ASCC3: variants seen among roughly 807,000 people sequenced by gnomAD.
ASCC3 encodes the protein activating signal cointegrator 1 complex subunit 3, also known as ASC-1 complex subunit P200.
Under a neutral mutation model 256.3 loss-of-function variants are expected in ASCC3, and 158 were observed. The ratio of observed to expected loss-of-function variants is 0.62; its 90% CI spans 0.54 to 0.70. The LOEUF (loss-of-function observed/expected upper bound fraction) is 0.70. Among genes scored for constraint, ASCC3 ranks in the 30% least tolerant of loss-of-function variants. The probability of loss-of-function intolerance (pLI) is 0.00; values close to 1 mark genes in which losing one functional copy is unlikely to be tolerated. For synonymous variants in ASCC3, 948 were observed against 883.4 expected (o/e 1.07, Z -1.30); for missense variants, 2,259 against 2,626.0 (o/e 0.86, Z 3.05).
Position 100,666,875 on chromosome 6 carries a change from A to C in ASCC3, c.2287-4339T>G, listed in dbSNP as rs578088215. Among the ~76,000 whole-genome samples the C allele has an allele frequency of 1.4e-4, 22 of 152,302 alleles. No individual in the cohort carries two copies. The East Asian group carries it at 4.0e-3, about 28-fold the overall frequency. On this transcript the variant is annotated intron_variant, in intron 14 of 41. Coordinates refer to ENST00000369162, the MANE Select transcript of ASCC3 (RefSeq NM_006828.4). ...CAGACAAAAAAAAAGCACTGTAAAGAATCAAAGAGAAGATCAATAAGAAAC... is the reference window on the plus strand; with the variant it reads ...CAGACAAAAAAAAAGCACTGTAAAGCATCAAAGAGAAGATCAATAAGAAAC...
intron 37 of ASCC3, among the ~76,000 whole-genome samples, chr6:100,539,636 AC>A (rs1775344066): frequency 6.6e-6 from 1 of 152,070 alleles, no homozygotes; most frequent in Admixed American, 6.6e-5. Flanking sequence ...ACCTCCAGAG[AC>A]CCTACGGTTC....
chr6:100,652,277 G>A (rs972079505), intron 18 of ASCC3, among the ~76,000 whole-genome samples: 1 of 152,122 alleles, frequency 6.6e-6, no homozygotes, highest in Admixed American at 6.6e-5. Flanking sequence ...ATGTGAATAG[G>A]TGATGGAAGG....
intron 1 of ASCC3, among the ~76,000 whole-genome samples, chr6:100,877,210 C>T (rs1323074361): frequency 1.3e-5 from 2 of 152,038 alleles, no homozygotes; most frequent in Non-Finnish European, 2.9e-5. Context: ...CACTTAGTTA[C>T]TGGCAATTAT....
intron 3 of ASCC3, chr6:100,859,049 T>TTTAATAGTCAAATATTCAGATTTTC: frequency 1.3e-6 from 1 of 755,386 alleles, no homozygotes; most frequent in Non-Finnish European, 2.5e-6. Context: ...ATTAAATTCC[T>TTTAATAGTCAAATATTCAGATTTTC]TTAATAGTCA....
intron 3 of ASCC3, among the ~76,000 whole-genome samples, chr6:100,849,627 T>G (rs1042456713): frequency 6.6e-6 from 1 of 152,242 alleles, no homozygotes; most frequent in Middle Eastern, 3.4e-3. Context: ...TCTAATTTAT[T>G]TAAGGCATTT....
chr6:100,793,429 A>T (rs1769447445), intron 8 of ASCC3, among the ~76,000 whole-genome samples: 1 of 152,016 alleles, frequency 6.6e-6, no homozygotes, highest in African/African-American at 2.4e-5. Context: ...AAGGCTGTTT[A>T]TTATACTGTC....
intron 8 of ASCC3, among the ~76,000 whole-genome samples, chr6:100,792,061 GTA>G (rs1453951860): frequency 1.3e-5 from 2 of 151,984 alleles, no homozygotes; most frequent in Non-Finnish European, 2.9e-5. Flanking sequence ...TAACATAATA[GTA>G]TATGTTTTTA....
chr6:100,584,805 C>G (rs1315828505), intron 36 of ASCC3, among the ~76,000 whole-genome samples: 1 of 151,952 alleles, frequency 6.6e-6, no homozygotes, highest in South Asian at 2.1e-4. Context: ...TCAGCATTTG[C>G]TTGTCTGTAA....
At chr6:100,672,151 T>C (rs1381916347) in intron 14 of ASCC3, among the ~76,000 whole-genome samples, 3 of 152,052 alleles carry the variant, frequency 2.0e-5, no homozygotes, top group Non-Finnish European at 4.4e-5. Context: ...TCTAACTCAA[T>C]TTTTTCTTAG....
intron 41 of ASCC3, 69 bp downstream of exon 41, chr6:100,509,862 TG>T: frequency 1.3e-6 from 2 of 1,486,892 alleles, no homozygotes; most frequent in Non-Finnish European, 1.8e-6. Context: ...CACTCCAGCC[TG>T]GGCGACAGAG....
intron 8 of ASCC3, among the ~76,000 whole-genome samples, chr6:100,780,121 C>A (rs914529671): frequency 6.6e-6 from 1 of 152,064 alleles, no homozygotes; most frequent in Non-Finnish European, 1.5e-5. Context: ...GAAATTAATT[C>A]TATAATGAAT....
rs1480438705 is a variant in ASCC3 at position 100,848,560 on chromosome 6, G to A, written c.389C>T (p.Ala130Val). 6.2e-7 allele frequency: 1 copy of A among 1,614,092 alleles called. No homozygotes were observed. Among genetic ancestry groups the A allele is most frequent in the South Asian group, 1.1e-5 (1 of 91,082 alleles). Reference sequence around the variant, plus strand: ...AATAATTCGATTAGTAGCATTACAAGCTGCAGTGGCAGATGATGAAGGAAA... The same window carrying A: ...AATAATTCGATTAGTAGCATTACAAACTGCAGTGGCAGATGATGAAGGAAA... ...GPFPSSSATA[A>V]CNATNRIISH... Residue 130 changes from alanine to valine, a missense_variant, in exon 4 of 42, where the codon GCT (alanine) becomes GTT (valine). Around this residue, in one of 2 missense-constraint regions of ASCC3, gnomAD observed 420 missense variants for 419.3 expected, o/e 1.00. Transcript: ENST00000369162.
intron 1 of ASCC3, among the ~76,000 whole-genome samples, chr6:100,874,642 G>A (rs1773912250): frequency 6.6e-6 from 1 of 151,998 alleles, no homozygotes; most frequent in African/African-American, 2.4e-5. Context: ...TATTTTATGA[G>A]GCTCTAGAGA....
chr6:100,635,544 T>C (rs949224687), intron 25 of ASCC3, among the ~76,000 whole-genome samples: 1 of 152,252 alleles, frequency 6.6e-6, no homozygotes, highest in Admixed American at 6.5e-5. Flanking sequence ...TTAATAGCAC[T>C]GCATTATATA....
chr6:100,568,369 A>G (rs981563514), intron 36 of ASCC3, among the ~76,000 whole-genome samples: 10 of 131,848 alleles, frequency 7.6e-5, no homozygotes, highest in Non-Finnish European at 1.3e-4. Flanking sequence ...CTCTTGTCTG[A>G]AAAAAAAAAA....
At chr6:100,521,840 T>A (rs762312401) in intron 37 of ASCC3, among the ~76,000 whole-genome samples, 2 of 152,222 alleles carry the variant, frequency 1.3e-5, no homozygotes, top group Admixed American at 1.3e-4. Flanking sequence ...ATACACTTCA[T>A]ATGACTGAGC....
chr6:100,654,861 G>C (rs908491565), intron 17 of ASCC3, among the ~76,000 whole-genome samples: 2 of 151,432 alleles, frequency 1.3e-5, no homozygotes, highest in Admixed American at 6.6e-5. Flanking sequence ...CATAGGGAAA[G>C]AAAAAAATAA....
intron 4 of ASCC3, among the ~76,000 whole-genome samples, chr6:100,811,825 A>AGAG (rs1770484044): frequency 6.6e-6 from 1 of 152,198 alleles, no homozygotes; most frequent in Non-Finnish European, 1.5e-5. Flanking sequence ...GAGACAACAG[A>AGAG]GAGGAGCCCA....
intron 8 of ASCC3, among the ~76,000 whole-genome samples, chr6:100,779,803 T>C (rs1782362977): frequency 6.6e-6 from 1 of 152,032 alleles, no homozygotes; most frequent in African/African-American, 2.4e-5. Flanking sequence ...CATAGAAAAA[T>C]GCATTTGAGT....
Sources: allele counts gnomAD v4.1 joint callset (sites outside exome capture counted in the v4.1 genomes callset), GRCh38; gene constraint gnomAD v4.1.1; regional missense constraint gnomAD v4.1.1; transcripts MANE v1.5; gene names NCBI Gene and HGNC (gene_info 2026-07-23, HGNC 2026-07-21).